The following CADM1 variants were observed in gnomAD, a reference collection of about 807,000 sequenced individuals.
The protein encoded by CADM1 is cell adhesion molecule 1.
Under a neutral mutation model 53.1 loss-of-function variants are expected in CADM1, and 15 were observed. That is an observed-to-expected ratio of 0.28 (90% CI 0.19 to 0.44). The LOEUF (loss-of-function observed/expected upper bound fraction) is 0.44. Ranked by LOEUF, CADM1 falls within the 20% of genes least tolerant of loss-of-function variation. The probability of loss-of-function intolerance (pLI) is 1.00; values close to 1 mark genes in which losing one functional copy is unlikely to be tolerated. For synonymous variants in CADM1, 281 were observed against 243.0 expected (o/e 1.16, Z -1.45); for missense variants, 434 against 611.3 (o/e 0.71, Z 3.06).
intron 1 of CADM1, among the ~76,000 whole-genome samples, chr11:115,384,895 T>A (rs1314952089): frequency 6.6e-6 from 1 of 152,228 alleles, no homozygotes; most frequent in Non-Finnish European, 1.5e-5. Flanking sequence ...CATTTGCTAG[T>A]GTAATTGAAA....
At chr11:115,438,196 A>AG (rs1565427843) in intron 1 of CADM1, among the ~76,000 whole-genome samples, 3 of 152,200 alleles carry the variant, frequency 2.0e-5, no homozygotes, top group African/African-American at 7.2e-5. Flanking sequence ...TAATCATCCT[A>AG]TATCTGTGCC....
intron 10 of CADM1, 59 bp from the exon 11 acceptor site, chr11:115,178,834 C>T (rs1939171702): frequency 5.0e-6 from 8 of 1,585,326 alleles, no homozygotes; most frequent in South Asian, 3.3e-5. Context: ...CCAGAAGCCC[C>T]GGCGACACTG....
Position 115,173,664 on chromosome 11 carries a change from A to G in CADM1, c.*2810T>C, listed in dbSNP as rs73570067. 860 of 442,200 alleles carry G rather than the reference A, an allele frequency of 1.9e-3. 8 individuals are homozygous for G. The highest frequency in any genetic ancestry group is 0.016 in the African/African-American group (762 of 47,024). The allele number at this position is 442,200 out of a possible 1,614,324, so 27.4% of individuals were successfully genotyped here. On this transcript the variant is annotated 3_prime_UTR_variant, in exon 12 of 12. Transcript: ENST00000331581. Reference sequence around the variant, plus strand: ...TAATTTTTTTTTATTAAGAAGACAGATATTTTATAGTACTTCTTTTTTTTC... The same window carrying G: ...TAATTTTTTTTTATTAAGAAGACAGGTATTTTATAGTACTTCTTTTTTTTC...
chr11:115,437,650 C>T (rs888266131), intron 1 of CADM1, among the ~76,000 whole-genome samples: 1 of 152,190 alleles, frequency 6.6e-6, no homozygotes, highest in Admixed American at 6.5e-5. Context: ...ACATTTGACT[C>T]CCAAATCTTC....
At chr11:115,418,489 G>T (rs1947667233) in intron 1 of CADM1, among the ~76,000 whole-genome samples, 1 of 152,070 alleles carries the variant, frequency 6.6e-6, no homozygotes, top group Non-Finnish European at 1.5e-5. Context: ...GCCATTGGGG[G>T]TTTGCTTCAG....
At chr11:115,426,585 T>A (rs1263088526) in intron 1 of CADM1, among the ~76,000 whole-genome samples, 1 of 152,182 alleles carries the variant, frequency 6.6e-6, no homozygotes, top group African/African-American at 2.4e-5. Flanking sequence ...CAGAAACACC[T>A]GTGGCTGGAG....
At chr11:115,430,313 A>C (rs1486451653) in intron 1 of CADM1, among the ~76,000 whole-genome samples, 2 of 152,224 alleles carry the variant, frequency 1.3e-5, no homozygotes, top group African/African-American at 4.8e-5. Context: ...GGGCGTTTAG[A>C]GATCCTGACA....
intron 1 of CADM1, among the ~76,000 whole-genome samples, chr11:115,438,981 A>T (rs1948245464): frequency 6.6e-6 from 1 of 152,184 alleles, no homozygotes; most frequent in South Asian, 2.1e-4. Flanking sequence ...ATGTGGTTAA[A>T]TCCTGTCAAG....
chr11:115,409,195 G>T (rs1190328371), intron 1 of CADM1, among the ~76,000 whole-genome samples: 3 of 152,136 alleles, frequency 2.0e-5, no homozygotes, highest in Non-Finnish European at 4.4e-5. Flanking sequence ...AACAAGTCAA[G>T]AATATAATAA....
intron 8 of CADM1, among the ~76,000 whole-genome samples, chr11:115,199,640 T>G (rs1306541255): frequency 6.6e-6 from 1 of 152,238 alleles, no homozygotes; most frequent in Non-Finnish European, 1.5e-5. Context: ...CTAGTCAACC[T>G]CATTCCAATG....
intron 1 of CADM1, among the ~76,000 whole-genome samples, chr11:115,325,152 A>G (rs1441904217): frequency 6.6e-6 from 1 of 152,222 alleles, no homozygotes; most frequent in African/African-American, 2.4e-5. Context: ...CTGCTATTTA[A>G]AACCATCAAC....
intron 1 of CADM1, among the ~76,000 whole-genome samples, chr11:115,411,651 T>A (rs932284808): frequency 4.6e-5 from 7 of 152,096 alleles, no homozygotes; most frequent in African/African-American, 1.4e-4. Context: ...AAGTGGAAAT[T>A]CTATTTTATT....
At chr11:115,462,791 A>G (rs1212504007) in intron 1 of CADM1, among the ~76,000 whole-genome samples, 1 of 152,190 alleles carries the variant, frequency 6.6e-6, no homozygotes, top group African/African-American at 2.4e-5. Context: ...GGTTTAAGAG[A>G]GGCCCTTCCA....
chr11:115,415,601 C>T (rs1947573872), intron 1 of CADM1, among the ~76,000 whole-genome samples: 1 of 151,886 alleles, frequency 6.6e-6, no homozygotes, highest in Non-Finnish European at 1.5e-5. Context: ...CTTTGGGAGG[C>T]CAAGGCACGT....
At chr11:115,447,788 A>C (rs1948484422) in intron 1 of CADM1, among the ~76,000 whole-genome samples, 1 of 152,184 alleles carries the variant, frequency 6.6e-6, no homozygotes, top group Admixed American at 6.5e-5. Context: ...TCCCCAGCAT[A>C]TTAGAGGGTG....
At chr11:115,407,186 G>C (rs192945274) in intron 1 of CADM1, among the ~76,000 whole-genome samples, 82 of 152,222 alleles carry the variant, frequency 5.4e-4, no homozygotes, top group Non-Finnish European at 7.8e-4. Flanking sequence ...TTTGGGCGAA[G>C]GCTAAAAAAG....
chr11:115,500,862 G>T (rs1949712276), intron 1 of CADM1, among the ~76,000 whole-genome samples: 1 of 152,144 alleles, frequency 6.6e-6, no homozygotes, highest in African/African-American at 2.4e-5. Flanking sequence ...AGATGAGCAG[G>T]CAGTGAGCCG....
At chr11:115,279,021 T>C (rs1393808997) in intron 1 of CADM1, among the ~76,000 whole-genome samples, 10 of 152,146 alleles carry the variant, frequency 6.6e-5, no homozygotes, top group African/African-American at 2.4e-4. Flanking sequence ...GACTACATTT[T>C]CCAAGTGAGC....
intron 11 of CADM1, 32 bp downstream of exon 11, chr11:115,178,612 A>G: frequency 6.2e-7 from 1 of 1,608,190 alleles, no homozygotes; most frequent in South Asian, 1.1e-5. Context: ...CTGTGGGGAC[A>G]CGCTGCTTCT....
Sources: gnomAD v4.1 joint callset for allele counts (sites outside exome capture counted in the v4.1 genomes callset) on GRCh38, gnomAD v4.1.1 for gene constraint, MANE v1.5 for transcripts, NCBI Gene and HGNC (gene_info 2026-07-23, HGNC 2026-07-21) for gene names.